HTR2C: variants seen among roughly 807,000 people sequenced by gnomAD.
The protein encoded by HTR2C is 5-hydroxytryptamine receptor 2C, also known as 5-hydroxytryptamine (serotonin) receptor 2C, G protein-coupled.
HTR2C carries 5 observed loss-of-function variants against 21.0 expected under a neutral mutation model. That is an observed-to-expected ratio of 0.24 (90% confidence interval 0.12 to 0.50). HTR2C has a LOEUF of 0.50. Among genes scored for constraint, HTR2C ranks in the 20% least tolerant of loss-of-function variants. HTR2C has a pLI of 0.98. For synonymous variants in HTR2C, 150 were observed against 145.3 expected (o/e 1.03, Z -0.23); for missense variants, 271 against 371.2 (o/e 0.73, Z 2.22).
At chrX:114,859,765 A>C (rs1335812357) in intron 5 of HTR2C, among the ~76,000 whole-genome samples, 1 of 111,379 alleles carries the variant, frequency 9.0e-6, no homozygotes, top group Non-Finnish European at 1.9e-5. Context: ...TTAAGGAAGA[A>C]AGTTAAGTCA....
chrX:114,839,574 C>T (rs781918315), intron 4 of HTR2C, among the ~76,000 whole-genome samples: 1 of 110,788 alleles, frequency 9.0e-6, no homozygotes, highest in African/African-American at 3.3e-5. Context: ...GTAGTCCCAG[C>T]TACTCAGGAG....
intron 5 of HTR2C, among the ~76,000 whole-genome samples, chrX:114,884,757 A>G (rs782069121): frequency 4.5e-5 from 5 of 111,513 alleles, no homozygotes; most frequent in Non-Finnish European, 9.5e-5. Context: ...GTTTGTCTAA[A>G]AGTATTTTCT....
At chrX:114,660,077 G>A (rs1930930504) in intron 2 of HTR2C, among the ~76,000 whole-genome samples, 1 of 112,038 alleles carries the variant, frequency 8.9e-6, no homozygotes, top group Non-Finnish European at 1.9e-5. Context: ...AGTAAAATCG[G>A]TGTATCTATT....
chrX:114,714,996 A>G (rs1932960498), intron 2 of HTR2C, among the ~76,000 whole-genome samples: 1 of 112,294 alleles, frequency 8.9e-6, no homozygotes. Context: ...AGTTTTCTGT[A>G]TTCATGACAT....
At chrX:114,775,464 T>TGGTTGTCAGAATAGATA in intron 4 of HTR2C, 1 of 510,720 alleles carries the variant, frequency 2.0e-6, no homozygotes, top group Non-Finnish European at 3.6e-6. Context: ...CACACCAGGC[T>TGGTTGTCAGAATAGATA]GGTTGTCAGA....
intron 4 of HTR2C, among the ~76,000 whole-genome samples, chrX:114,784,996 A>G (rs2070161312): frequency 9.0e-6 from 1 of 111,693 alleles, no homozygotes; most frequent in Non-Finnish European, 1.9e-5. Context: ...TTAAGTAATT[A>G]TATCTGCAAA....
chrX:114,859,641 T>C (rs2070991133), intron 5 of HTR2C, among the ~76,000 whole-genome samples: 1 of 111,064 alleles, frequency 9.0e-6, no homozygotes, highest in South Asian at 3.7e-4. Flanking sequence ...CCAAGAATTA[T>C]CTTTTGGAGT....
At chrX:114,620,762 T>A (rs184336267) in intron 2 of HTR2C, among the ~76,000 whole-genome samples, 2 of 112,365 alleles carry the variant, frequency 1.8e-5, no homozygotes, top group South Asian at 7.2e-4. Flanking sequence ...AATTCATACA[T>A]TTTATTATCC....
At chrX:114,690,080 T>A (rs1569484236) in intron 2 of HTR2C, among the ~76,000 whole-genome samples, 1 of 111,963 alleles carries the variant, frequency 8.9e-6, no homozygotes, top group Non-Finnish European at 1.9e-5. Context: ...CTGTCACGTC[T>A]ATCACTAATT....
At chrX:114,616,988 AT>A (rs1292763194) in intron 2 of HTR2C, among the ~76,000 whole-genome samples, 2 of 112,622 alleles carry the variant, frequency 1.8e-5, no homozygotes, top group African/African-American at 6.5e-5. Context: ...TATATTAACA[AT>A]TTAGGAATTT....
intron 4 of HTR2C, among the ~76,000 whole-genome samples, chrX:114,744,956 C>T (rs1304691713): frequency 1.8e-5 from 2 of 111,529 alleles, no homozygotes; most frequent in Non-Finnish European, 3.8e-5. Flanking sequence ...ATATAAACTC[C>T]CAAAGATTGC....
intron 2 of HTR2C, among the ~76,000 whole-genome samples, chrX:114,657,858 G>A (rs1359006363): frequency 9.0e-6 from 1 of 110,783 alleles, no homozygotes; most frequent in African/African-American, 3.3e-5. Context: ...CCAATATTTT[G>A]TTGTTGTTGT....
At chrX:114,698,964 T>C (rs962619752) in intron 2 of HTR2C, among the ~76,000 whole-genome samples, 71 of 111,643 alleles carry the variant, frequency 6.4e-4, no homozygotes, top group African/African-American at 2.1e-3. Context: ...GTAGTTATTG[T>C]GATAGTCACT....
chrX:114,660,406 A>G (rs782462754), intron 2 of HTR2C, among the ~76,000 whole-genome samples: 1 of 112,094 alleles, frequency 8.9e-6, no homozygotes, highest in Non-Finnish European at 1.9e-5. Context: ...CTACTCCACC[A>G]TGGACTGTTT....
chrX:114,812,305 C>T (rs2070539944), intron 4 of HTR2C, among the ~76,000 whole-genome samples: 1 of 111,434 alleles, frequency 9.0e-6, no homozygotes, highest in South Asian at 3.8e-4. Context: ...TGTGGTTACC[C>T]CCAACTTTTT....
chrX:114,641,930 G>T (rs782683454), intron 2 of HTR2C, among the ~76,000 whole-genome samples: 3 of 110,712 alleles, frequency 2.7e-5, no homozygotes, highest in African/African-American at 9.9e-5. Context: ...AGTGTGTGTT[G>T]TTCCCCTCCC....
rs1295592092 is a variant in HTR2C at position 114,644,344 on chromosome X, A to AAAATAAAT, written c.-80+30477_-80+30484dup. On this transcript the variant is annotated intron_variant, in intron 2 of 5. Coordinates refer to ENST00000276198, the MANE Select transcript of HTR2C (RefSeq NM_000868.4). ...TGGCAGAGTAAGGGAGACTCCATCTAAAATAAATAAATAAATAAATATATA... is the reference window on the plus strand; with the variant it reads ...TGGCAGAGTAAGGGAGACTCCATCTAAAATAAATAAATAAATAAATAAATAAATATATA... Among the ~76,000 whole-genome samples, 87 of 36,133 alleles carry AAAATAAAT rather than the reference A, an allele frequency of 2.4e-3. 2 individuals are homozygous for AAAATAAAT. The highest frequency in any genetic ancestry group is 2.7e-3 in the Non-Finnish European group (56 of 20,868). 31.4% of individuals were successfully genotyped at this position (36,133 alleles called of 115,157 possible).
intron 2 of HTR2C, among the ~76,000 whole-genome samples, chrX:114,648,592 G>T (rs1930444790): frequency 9.0e-6 from 1 of 111,184 alleles, no homozygotes; most frequent in South Asian, 3.9e-4. Flanking sequence ...GCCAGGCATG[G>T]TGGCATGTCC....
intron 2 of HTR2C, among the ~76,000 whole-genome samples, chrX:114,678,670 T>A (rs2147853413): frequency 9.0e-6 from 1 of 111,567 alleles, no homozygotes; most frequent in Admixed American, 9.6e-5. Context: ...ATAATGAATG[T>A]GAAAGTGCTT....
Sources: gnomAD v4.1 joint callset for allele counts (sites outside exome capture counted in the v4.1 genomes callset) on GRCh38, gnomAD v4.1.1 for gene constraint, MANE v1.5 for transcripts, NCBI Gene and HGNC (gene_info 2026-07-23, HGNC 2026-07-21) for gene names.